Variants in FRMD4A observed in about 807,000 individuals in gnomAD.
FRMD4A encodes FERM domain-containing protein 4A.
FRMD4A carries 29 observed loss-of-function variants against 129.1 expected under a neutral mutation model. That is an observed-to-expected ratio of 0.22 (90% CI 0.17 to 0.31). FRMD4A has a LOEUF of 0.31. Among genes scored for constraint, FRMD4A ranks in the 10% least tolerant of loss-of-function variants. The pLI is 1.00. For synonymous variants in FRMD4A, 634 were observed against 571.6 expected, an observed-to-expected ratio of 1.11 and a Z score of -1.56; for missense variants, 1,272 against 1,375.8, an observed-to-expected ratio of 0.92 and a Z score of 1.19.
At chr10:14,126,845 T>G (rs1838869759) in intron 2 of FRMD4A, among the ~76,000 whole-genome samples, 1 of 28,540 alleles carries the variant, frequency 3.5e-5, no homozygotes, top group Admixed American at 2.8e-4. Flanking sequence ...GGAAAAAATG[T>G]GTACCAGAGG....
Position 13,657,289 on chromosome 10 carries a change from T to G in FRMD4A, c.2300A>C (p.Asn767Thr), listed in dbSNP as rs1414063715. 3 of 1,608,874 alleles carry G rather than the reference T, an allele frequency of 1.9e-6. No individual in the cohort carries two copies. In the Admixed American group the frequency reaches 5.0e-5, roughly 27 times the overall value. The change falls in exon 22 of 25, where the codon AAC becomes ACC. Residue 767 changes from asparagine to threonine, a missense_variant. This residue lies in a region of FRMD4A where 972 missense variants were observed against 892.3 expected (regional missense o/e 1.09). Transcript: ENST00000357447. ...EHYYPAQMNA[N>T]YSTLAEDSPS... ...CGAGTCCTCGGCCAGCGTGGAGTAG[T>G]TGGCGTTCATCTGCGCCGGGTAGTA...
chr10:13,810,802 G>A lies in FRMD4A; in HGVS notation c.206+12C>T. On this transcript the variant is annotated intron_variant, in intron 4 of 24. Coordinates refer to ENST00000357447, the MANE Select transcript of FRMD4A (RefSeq NM_018027.5). ...CTCCCTTCGGGCTGTGAGGGCTCAA[G>A]GCAGTACTTACGTTTCATCTGTGAA... 7.1e-7 allele frequency: 1 copy of A among 1,399,136 alleles called. No individual in the cohort carries two copies. Among genetic ancestry groups the A allele is most frequent in the Non-Finnish European group, 1.0e-6 (1 of 986,120 alleles). 86.7% of individuals were successfully genotyped at this position (1,399,136 alleles called of 1,614,324 possible).
intron 2 of FRMD4A, among the ~76,000 whole-genome samples, chr10:14,098,739 G>A (rs11258862): frequency 0.03 from 4,578 of 152,208 alleles, 68 homozygotes; most frequent in African/African-American, 0.035. Flanking sequence ...CCCCAATCTA[G>A]TCTCTTACCC....
chr10:14,233,631 A>T (rs1224779967), intron 2 of FRMD4A, among the ~76,000 whole-genome samples: 6 of 152,194 alleles, frequency 3.9e-5, no homozygotes, highest in Non-Finnish European at 8.8e-5. Context: ...TTAGTATAGG[A>T]TGTAAGACCT....
In FRMD4A at chr10:14,127,968, T is replaced by TTCTC. The variant is rs1440627660; in HGVS notation, c.45+202089_45+202090insGAGA. ...TTTCTTTCTTTCTTTCTTTCTTTCTTTCTTTCTTTCCTTCTCTCTCTCTCT... is the reference window on the plus strand; with the variant it reads ...TTTCTTTCTTTCTTTCTTTCTTTCTTTCTCTCTTTCTTTCCTTCTCTCTCTCTCT... On this transcript the variant is annotated intron_variant, in intron 2 of 24. Transcript: ENST00000357447. Among the ~76,000 whole-genome samples the TTCTC allele has an allele frequency of 7.3e-3, 246 of 33,636 alleles. 21 individuals are homozygous for TTCTC. Among genetic ancestry groups the TTCTC allele is most frequent in the African/African-American group, 0.028 (220 of 7,960 alleles). 22.1% of individuals were successfully genotyped at this position (33,636 alleles called of 152,430 possible). A position where few individuals can be genotyped will look rare whatever the true frequency, so the allele number is the denominator to read the frequency against.
At chr10:13,731,649 CAAA>C (rs35512356) in intron 12 of FRMD4A, among the ~76,000 whole-genome samples, 85 of 116,538 alleles carry the variant, frequency 7.3e-4, no homozygotes, top group Middle Eastern at 4.5e-3. Context: ...GACTTCATCT[CAAA>C]AAAAAAAAAA....
chr10:13,833,461 G>A (rs9645601), intron 3 of FRMD4A, among the ~76,000 whole-genome samples: 48,871 of 151,980 alleles, frequency 0.32, 8,184 homozygotes, highest in Middle Eastern at 0.48. Flanking sequence ...TGAGATTTGG[G>A]TGGGAACACA....
chr10:14,281,123 G>T (rs972697389), intron 2 of FRMD4A, among the ~76,000 whole-genome samples: 1 of 150,188 alleles, frequency 6.7e-6, no homozygotes, highest in African/African-American at 2.5e-5. Flanking sequence ...CCCCCAAGTA[G>T]CTGAGATTAC....
chr10:13,786,037 T>C (rs1304325183), intron 5 of FRMD4A, among the ~76,000 whole-genome samples: 1 of 152,234 alleles, frequency 6.6e-6, no homozygotes, highest in African/African-American at 2.4e-5. Flanking sequence ...GACATTTGGG[T>C]TGGTTCCAAG....
intron 2 of FRMD4A, among the ~76,000 whole-genome samples, chr10:14,002,166 C>T (rs10906563): frequency 0.018 from 2,718 of 152,248 alleles, 89 homozygotes; most frequent in East Asian, 0.13. Context: ...CAGTCTTTCC[C>T]AGACACACAA....
At chr10:14,249,778 T>C (rs1844373230) in intron 2 of FRMD4A, among the ~76,000 whole-genome samples, 1 of 152,338 alleles carries the variant, frequency 6.6e-6, no homozygotes, top group South Asian at 2.1e-4. Context: ...AGGTACAGGA[T>C]GGAAGACAAA....
intron 2 of FRMD4A, among the ~76,000 whole-genome samples, chr10:14,082,055 G>A (rs181366497): frequency 3.9e-5 from 6 of 152,220 alleles, no homozygotes; most frequent in African/African-American, 1.4e-4. Context: ...AGACCATTCT[G>A]GCTAACATGG....
chr10:13,969,330 G>A (rs1160524437), intron 2 of FRMD4A, among the ~76,000 whole-genome samples: 1 of 152,240 alleles, frequency 6.6e-6, no homozygotes, highest in Non-Finnish European at 1.5e-5. Flanking sequence ...AGCACGAGGC[G>A]TGGTTAGCCT....
chr10:13,709,347 C>T (rs912278112), intron 12 of FRMD4A, among the ~76,000 whole-genome samples: 10 of 152,156 alleles, frequency 6.6e-5, no homozygotes, highest in Non-Finnish European at 1.2e-4. Context: ...GCAAAAATAA[C>T]CCCTCTAAGG....
At chr10:13,855,838 C>T (rs1315096827) in intron 3 of FRMD4A, among the ~76,000 whole-genome samples, 1 of 151,926 alleles carries the variant, frequency 6.6e-6, no homozygotes. Flanking sequence ...GAATCCTGGG[C>T]AACAGAATTT....
At chr10:14,026,254 A>G (rs1832980681) in intron 2 of FRMD4A, among the ~76,000 whole-genome samples, 1 of 152,244 alleles carries the variant, frequency 6.6e-6, no homozygotes, top group Admixed American at 6.5e-5. Flanking sequence ...CCATTTTAGT[A>G]TCTCTCTGTG....
intron 2 of FRMD4A, among the ~76,000 whole-genome samples, chr10:14,132,264 G>T (rs1241998276): frequency 6.6e-6 from 1 of 152,086 alleles, no homozygotes; most frequent in Non-Finnish European, 1.5e-5. Flanking sequence ...CTCCAGCCTG[G>T]GTGACAGAGC....
intron 2 of FRMD4A, among the ~76,000 whole-genome samples, chr10:13,912,796 G>A (rs1386079201): frequency 1.3e-5 from 2 of 152,000 alleles, no homozygotes; most frequent in Non-Finnish European, 2.9e-5. Context: ...TTATTTGGCT[G>A]GGCGTGGTGG....
At chr10:13,691,141 C>T (rs10906448) in intron 15 of FRMD4A, among the ~76,000 whole-genome samples, 30,637 of 151,876 alleles carry the variant, frequency 0.2, 3,439 homozygotes, top group Non-Finnish European at 0.26. Context: ...GTGTGCACCA[C>T]CATGCCTGGC....
Sources: gnomAD v4.1 joint callset for allele counts (sites outside exome capture counted in the v4.1 genomes callset) on GRCh38, gnomAD v4.1.1 for gene constraint, gnomAD v4.1.1 regional missense constraint, MANE v1.5 for transcripts, NCBI Gene and HGNC (gene_info 2026-07-23, HGNC 2026-07-21) for gene names.